The following LRRC4C variants were observed in gnomAD, a reference collection of about 807,000 sequenced individuals.
LRRC4C encodes the protein leucine-rich repeat-containing protein 4C.
LRRC4C carries 5 observed loss-of-function variants against 33.6 expected under a neutral mutation model. That is an observed-to-expected ratio of 0.15 (90% CI 0.08 to 0.31). LRRC4C has a LOEUF of 0.31. Among genes scored for constraint, LRRC4C ranks in the 10% least tolerant of loss-of-function variants. The pLI, the probability that LRRC4C is intolerant of heterozygous loss-of-function variation, is 1.00. For missense variants in LRRC4C, 560 were observed against 796.7 expected, an observed-to-expected ratio of 0.70 and a Z score of 3.58; for synonymous variants, 329 against 302.0, an observed-to-expected ratio of 1.09 and a Z score of -0.93.
At chr11:41,276,318 A>T (rs1254344870) in intron 1 of LRRC4C, among the ~76,000 whole-genome samples, 2 of 152,200 alleles carry the variant, frequency 1.3e-5, no homozygotes, top group African/African-American at 4.8e-5. Context: ...CACACAGGAC[A>T]GCCAGCCTGT....
intron 1 of LRRC4C, among the ~76,000 whole-genome samples, chr11:41,322,895 G>A (rs1950999387): frequency 6.6e-6 from 1 of 151,988 alleles, no homozygotes; most frequent in Non-Finnish European, 1.5e-5. Flanking sequence ...CCTTGGATAT[G>A]ACACATATAT....
chr11:40,525,307 G>C (rs578031510), intron 3 of LRRC4C, among the ~76,000 whole-genome samples: 1 of 152,104 alleles, frequency 6.6e-6, no homozygotes, highest in African/African-American at 2.4e-5. Flanking sequence ...TTAGTCAGGT[G>C]TGGTGCCACA....
rs372322008 is a variant in LRRC4C, at chr11:40,473,308, C to A, written c.-269-153587G>T. 2.6e-4 allele frequency among the ~76,000 whole-genome samples: 39 copies of A among 152,254 alleles called. 1 individual carries two copies. In the South Asian group the frequency reaches 7.9e-3, roughly 31 times the overall value. Reference sequence around the variant, plus strand: ...CAAGGCTGGTTCAACATACATAAATCGATAAATGTAATCCATCACATAAAC... The same window carrying A: ...CAAGGCTGGTTCAACATACATAAATAGATAAATGTAATCCATCACATAAAC... On this transcript the variant is annotated intron_variant, in intron 3 of 6. Transcript: ENST00000528697.
chr11:41,032,889 C>T (rs984081996), intron 1 of LRRC4C, among the ~76,000 whole-genome samples: 3 of 151,980 alleles, frequency 2.0e-5, no homozygotes, highest in Non-Finnish European at 4.4e-5. Flanking sequence ...TTCACTCATT[C>T]AGTCATAATC....
chr11:40,157,749 C>G (rs559556849), intron 5 of LRRC4C, among the ~76,000 whole-genome samples: 1 of 152,112 alleles, frequency 6.6e-6, no homozygotes, highest in South Asian at 2.1e-4. Context: ...ATCAAAAAGT[C>G]AAAAAACAGT....
intron 3 of LRRC4C, among the ~76,000 whole-genome samples, chr11:40,502,776 T>G (rs1307357317): frequency 3.3e-5 from 5 of 152,180 alleles, no homozygotes; most frequent in African/African-American, 7.2e-5. Context: ...TATGACATCT[T>G]TCACTCTTTG....
chr11:40,775,137 G>T (rs1469836651), intron 2 of LRRC4C, among the ~76,000 whole-genome samples: 3 of 152,120 alleles, frequency 2.0e-5, no homozygotes, highest in African/African-American at 7.2e-5. Context: ...TTGGCCAGGT[G>T]CAGTGGCTCA....
At chr11:41,172,506 T>C (rs912701770) in intron 1 of LRRC4C, among the ~76,000 whole-genome samples, 2 of 152,160 alleles carry the variant, frequency 1.3e-5, no homozygotes, top group Non-Finnish European at 2.9e-5. Flanking sequence ...TAAGACTCAG[T>C]GCCTAGCACA....
chr11:40,566,780 T>G (rs1957784502), intron 3 of LRRC4C, among the ~76,000 whole-genome samples: 1 of 152,142 alleles, frequency 6.6e-6, no homozygotes, highest in Admixed American at 6.5e-5. Flanking sequence ...AGCATAGCTA[T>G]AATTTGCATA....
chr11:40,281,450 ATC>A (rs758476845), intron 4 of LRRC4C, among the ~76,000 whole-genome samples: 4 of 151,804 alleles, frequency 2.6e-5, no homozygotes, highest in African/African-American at 4.8e-5. Flanking sequence ...CTCTTTCTCA[ATC>A]TCTCTCTCTC....
intron 3 of LRRC4C, among the ~76,000 whole-genome samples, chr11:40,393,735 A>G (rs1480929636): frequency 1.3e-5 from 2 of 152,130 alleles, no homozygotes; most frequent in East Asian, 1.9e-4. Flanking sequence ...CCTTTAATGA[A>G]TACTACATTG....
intron 3 of LRRC4C, among the ~76,000 whole-genome samples, chr11:40,480,734 T>C (rs192825820): frequency 1.3e-5 from 2 of 152,216 alleles, no homozygotes; most frequent in African/African-American, 4.8e-5. Flanking sequence ...ATATATACAA[T>C]GGAATATTAT....
At chr11:40,123,321 T>C (rs912966766) in intron 6 of LRRC4C, among the ~76,000 whole-genome samples, 1 of 152,182 alleles carries the variant, frequency 6.6e-6, no homozygotes, top group African/African-American at 2.4e-5. Context: ...TGTTTGCAGA[T>C]GATATGATCT....
At chr11:40,249,616 G>A (rs537377983) in intron 4 of LRRC4C, among the ~76,000 whole-genome samples, 9 of 150,680 alleles carry the variant, frequency 6.0e-5, no homozygotes, top group East Asian at 1.9e-4. Context: ...ATATGTATGC[G>A]TATACACATG....
chr11:41,021,723 T>C (rs758082969), intron 1 of LRRC4C, among the ~76,000 whole-genome samples: 4 of 152,032 alleles, frequency 2.6e-5, no homozygotes, highest in Non-Finnish European at 5.9e-5. Context: ...AAGTCTTGCT[T>C]TCTGCCTGAG....
At chr11:41,083,470 T>C (rs946788392) in intron 1 of LRRC4C, among the ~76,000 whole-genome samples, 1 of 152,182 alleles carries the variant, frequency 6.6e-6, no homozygotes, top group Admixed American at 6.5e-5. Context: ...TTCATCAGCC[T>C]GCTTAGGACA....
chr11:40,208,528 T>G, intron 5 of LRRC4C, among the ~76,000 whole-genome samples: 1 of 152,036 alleles, frequency 6.6e-6, no homozygotes, highest in Non-Finnish European at 1.5e-5. Flanking sequence ...TATGTAATTC[T>G]AAATTGAAAA....
chr11:41,328,125 A>T (rs1951179426), intron 1 of LRRC4C, among the ~76,000 whole-genome samples: 1 of 152,174 alleles, frequency 6.6e-6, no homozygotes, highest in Admixed American at 6.5e-5. Flanking sequence ...AAATTGCTGC[A>T]GGTACCCCTA....
At chr11:40,266,717 A>T (rs1387503278) in intron 4 of LRRC4C, among the ~76,000 whole-genome samples, 1 of 152,136 alleles carries the variant, frequency 6.6e-6, no homozygotes, top group African/African-American at 2.4e-5. Flanking sequence ...CAACTCTCTA[A>T]GGCTGGTTTT....
Sources: allele counts gnomAD v4.1 joint callset (sites outside exome capture counted in the v4.1 genomes callset), GRCh38; gene constraint gnomAD v4.1.1; transcripts MANE v1.5; gene names NCBI Gene and HGNC (gene_info 2026-07-23, HGNC 2026-07-21).